Variants in TRERF1 observed in about 807,000 individuals in gnomAD.
TRERF1 encodes transcriptional regulating factor 1, also known as transcriptional-regulating factor 1.
TRERF1 carries 27 observed loss-of-function variants against 122.9 expected under a neutral mutation model. The observed-to-expected ratio is 0.22, with a 90% confidence interval of 0.16 to 0.30. TRERF1 has a LOEUF of 0.30. Ranked by LOEUF, TRERF1 falls within the 10% of genes least tolerant of loss-of-function variation. The pLI is 1.00. For missense variants in TRERF1, 1,248 were observed against 1,560.3 expected (o/e 0.80, Z 3.37); for synonymous variants, 636 against 641.7 (o/e 0.99, Z 0.13).
chr6:42,300,437 C>G (rs1785971907), intron 4 of TRERF1, among the ~76,000 whole-genome samples: 1 of 152,192 alleles, frequency 6.6e-6, no homozygotes, highest in South Asian at 2.1e-4. Flanking sequence ...CAACTCAGTC[C>G]TTTCTGCTCC....
At chr6:42,343,979 T>C (rs972230978) in intron 3 of TRERF1, among the ~76,000 whole-genome samples, 1 of 152,214 alleles carries the variant, frequency 6.6e-6, no homozygotes, top group African/African-American at 2.4e-5. Flanking sequence ...AGCCATATCC[T>C]TCCTTATTCC....
chr6:42,411,656 G>A (rs752513430), intron 2 of TRERF1, among the ~76,000 whole-genome samples: 1 of 152,196 alleles, frequency 6.6e-6, no homozygotes, highest in Non-Finnish European at 1.5e-5. Context: ...GGCAGGGCTT[G>A]GCTGAAGGAA....
At chr6:42,283,395 T>G (rs1782627211) in intron 4 of TRERF1, among the ~76,000 whole-genome samples, 1 of 152,174 alleles carries the variant, frequency 6.6e-6, no homozygotes, top group South Asian at 2.1e-4. Flanking sequence ...GTCAACTATG[T>G]ATTTATAATT....
At chr6:42,439,801 G>C (rs1023350281) in intron 2 of TRERF1, among the ~76,000 whole-genome samples, 5 of 152,192 alleles carry the variant, frequency 3.3e-5, no homozygotes, top group African/African-American at 1.2e-4. Flanking sequence ...TTACATTTTT[G>C]TTATAGTAGC....
At chr6:42,237,607 C>T (rs1351903922) in intron 15 of TRERF1, among the ~76,000 whole-genome samples, 12 of 152,194 alleles carry the variant, frequency 7.9e-5, no homozygotes, top group Non-Finnish European at 2.9e-5. Context: ...TAACTCATCA[C>T]TTAATGCACG....
At position 42,265,880 on chromosome 6, in the gene TRERF1, C is replaced by T. The variant is rs533871753; in HGVS notation, c.1438-83G>A. The stretch of plus-strand genomic sequence containing the variant: ...GGGAGAAGTCCTCGAGCAGTGGGAA[C>T]ACCAGGTACTCTTCCAGGACTCTTT... On this transcript the variant is annotated intron_variant, in intron 5 of 17. Coordinates refer to ENST00000372922, the Ensembl canonical transcript of TRERF1. The T allele has an allele frequency of 4.3e-6, 6 of 1,408,952 alleles. No individual in the cohort carries two copies. In the African/African-American group the frequency reaches 5.7e-5, roughly 13 times the overall value. The allele number at this position is 1,408,952 out of a possible 1,614,324, so 87.3% of individuals were successfully genotyped here.
chr6:42,422,988 C>A (rs1221445233), intron 2 of TRERF1, among the ~76,000 whole-genome samples: 2 of 152,100 alleles, frequency 1.3e-5, no homozygotes, highest in African/African-American at 2.4e-5. Context: ...TACAGGCATG[C>A]GCCACCACGC....
intron 8 of TRERF1, among the ~76,000 whole-genome samples, chr6:42,261,873 C>T (rs1223716569): frequency 6.6e-6 from 1 of 152,192 alleles, no homozygotes; most frequent in African/African-American, 2.4e-5. Flanking sequence ...AACTCCCTTG[C>T]CCCTCCCCAG....
intron 2 of TRERF1, among the ~76,000 whole-genome samples, chr6:42,419,430 C>G (rs1276267675): frequency 6.6e-6 from 1 of 152,016 alleles, no homozygotes; most frequent in African/African-American, 2.4e-5. Flanking sequence ...CCTGCATGTC[C>G]GAAGGCAGAC....
At chr6:42,355,534 C>T (rs897269241) in intron 3 of TRERF1, among the ~76,000 whole-genome samples, 5 of 152,278 alleles carry the variant, frequency 3.3e-5, no homozygotes, top group African/African-American at 1.2e-4. Context: ...GATATCAGGG[C>T]CTTGCTTGCT....
At chr6:42,285,383 CT>C (rs1174408260) in intron 4 of TRERF1, among the ~76,000 whole-genome samples, 3 of 152,100 alleles carry the variant, frequency 2.0e-5, no homozygotes, top group African/African-American at 7.2e-5. Flanking sequence ...AGTTTTTGGG[CT>C]GAGACAATGG....
intron 2 of TRERF1, among the ~76,000 whole-genome samples, chr6:42,381,947 T>A (rs1297531774): frequency 6.6e-6 from 1 of 150,770 alleles, no homozygotes; most frequent in East Asian, 1.9e-4. Context: ...CCAATAATAA[T>A]AATAATCACA....
chr6:42,309,582 G>A (rs1451452514), intron 3 of TRERF1, among the ~76,000 whole-genome samples: 3 of 152,010 alleles, frequency 2.0e-5, no homozygotes, highest in Non-Finnish European at 4.4e-5. Flanking sequence ...AGCATCCCTG[G>A]GAATTTACAG....
At chr6:42,273,353 T>C (rs1217383449) in intron 4 of TRERF1, among the ~76,000 whole-genome samples, 5 of 152,132 alleles carry the variant, frequency 3.3e-5, no homozygotes, top group Admixed American at 2.0e-4. Context: ...TAAGGATTTG[T>C]TGAAGGAAGG....
chr6:42,437,534 C>T (rs1263936504), intron 2 of TRERF1, among the ~76,000 whole-genome samples: 1 of 152,126 alleles, frequency 6.6e-6, no homozygotes, highest in Non-Finnish European at 1.5e-5. Flanking sequence ...GAAAATGAGG[C>T]TCCAAGAGTT....
intron 13 of TRERF1, among the ~76,000 whole-genome samples, chr6:42,252,374 C>T (rs1775981397): frequency 6.6e-6 from 1 of 152,214 alleles, no homozygotes; most frequent in South Asian, 2.1e-4. Flanking sequence ...AACTTACAGC[C>T]TCCCGCCCTG....
chr6:42,278,000 G>T (rs1253362166), intron 4 of TRERF1, among the ~76,000 whole-genome samples: 5 of 151,750 alleles, frequency 3.3e-5, no homozygotes, highest in African/African-American at 1.2e-4. Flanking sequence ...CAGGAGCCCT[G>T]GGCTTTGGTT....
chr6:42,231,362 C>A (rs757327640), intron 17 of TRERF1, among the ~76,000 whole-genome samples: 12 of 152,142 alleles, frequency 7.9e-5, no homozygotes, highest in Non-Finnish European at 1.6e-4. Context: ...TCTGTTGTAG[C>A]AACACAAAAC....
Position 42,232,924 on chromosome 6 carries a change from C to T in TRERF1, c.3067-32G>A, listed in dbSNP as rs1026150637. On this transcript the variant is annotated intron_variant, in intron 16 of 17. Coordinates refer to ENST00000372922, the Ensembl canonical transcript of TRERF1. This position sits in a 1 kb window ranked among gnomAD's most constrained non-coding sequence, Gnocchi z 4.5. The stretch of plus-strand genomic sequence containing the variant: ...AAGAAAGGGAGTGACATGACATCTA[C>T]AGTCCTGAAAAGGAAATTAGGGTTA... 9 of 1,552,730 alleles carry T rather than the reference C, an allele frequency of 5.8e-6. No homozygotes were observed. The highest frequency in any genetic ancestry group is 7.9e-6 in the Non-Finnish European group (9 of 1,145,130).
Sources: gnomAD v4.1 joint callset for allele counts (sites outside exome capture counted in the v4.1 genomes callset) on GRCh38, gnomAD v4.1.1 for gene constraint, Gnocchi (gnomAD v3.1) non-coding constraint, MANE v1.5 for transcripts, NCBI Gene and HGNC (gene_info 2026-07-23, HGNC 2026-07-21) for gene names.